The following LUC7L3 variants were observed in gnomAD, a reference collection of about 807,000 sequenced individuals.
LUC7L3 encodes the protein LUC7 like 3 pre-mRNA splicing factor.
A neutral mutation model predicts 66.8 loss-of-function variants in LUC7L3; 6 were observed. The ratio of observed to expected loss-of-function variants is 0.09; its 90% CI spans 0.05 to 0.18. The LOEUF is 0.18. Among genes scored for constraint, LUC7L3 ranks in the 10% least tolerant of loss-of-function variants. The pLI is 1.00. For synonymous variants in LUC7L3, 160 were observed against 174.7 expected, an observed-to-expected ratio of 0.92 and a Z score of 0.66; for missense variants, 341 against 531.1, an observed-to-expected ratio of 0.64 and a Z score of 3.52.
intron 1 of LUC7L3, among the ~76,000 whole-genome samples, chr17:50,735,370 GAAA>G (rs985008378): frequency 1.3e-5 from 2 of 151,534 alleles, no homozygotes; most frequent in Non-Finnish European, 2.9e-5. Context: ...AGCCGTTGAG[GAAA>G]AAAAAGGCCT....
chr17:50,748,918 A>T (rs945727111), intron 9 of LUC7L3, among the ~76,000 whole-genome samples: 1 of 152,148 alleles, frequency 6.6e-6, no homozygotes, highest in East Asian at 1.9e-4. Context: ...AGAAACTACC[A>T]TGTAGCCATC....
At chr17:50,728,934 G>A (rs1315509602) in intron 1 of LUC7L3, among the ~76,000 whole-genome samples, 1 of 152,048 alleles carries the variant, frequency 6.6e-6, no homozygotes, top group East Asian at 1.9e-4. Context: ...TGGCATTTGA[G>A]GTATTCCAGT....
chr17:50,729,896 T>TTATATA (rs1156777167), intron 1 of LUC7L3, among the ~76,000 whole-genome samples: 41 of 65,530 alleles, frequency 6.3e-4, no homozygotes, highest in South Asian at 1.6e-3. Context: ...TATAAATACA[T>TTATATA]TATATATATA....
At chr17:50,738,369 G>A (rs978373233) in intron 2 of LUC7L3, among the ~76,000 whole-genome samples, 2 of 152,170 alleles carry the variant, frequency 1.3e-5, no homozygotes, top group African/African-American at 2.4e-5. Context: ...CCAGCCAGAC[G>A]TTCGAAGAAA....
chr17:50,744,595 C>T, intron 6 of LUC7L3, 57 bp from the exon 7 acceptor site: 1 of 1,501,684 alleles, frequency 6.7e-7, no homozygotes, highest in Non-Finnish European at 9.1e-7. Flanking sequence ...TGAGTACTTT[C>T]CTGGGATTTG....
intron 2 of LUC7L3, chr17:50,738,157 TCTC>T (rs1371943271): frequency 8.8e-6 from 4 of 456,070 alleles, no homozygotes; most frequent in African/African-American, 2.0e-5. Context: ...AGAGGATTCT[TCTC>T]TAGAGAAAGT....
intron 2 of LUC7L3, 69 bp from the exon 3 acceptor site, chr17:50,740,237 C>G: frequency 8.8e-7 from 1 of 1,135,096 alleles, no homozygotes; most frequent in Non-Finnish European, 1.3e-6. Flanking sequence ...AAAAATAACT[C>G]TTTTTTTTTG....
chr17:50,729,938 A>ATGTATG (rs1555607340), intron 1 of LUC7L3, among the ~76,000 whole-genome samples: 1 of 29,008 alleles, frequency 3.4e-5, no homozygotes, highest in African/African-American at 1.4e-4. Context: ...ATATATATAT[A>ATGTATG]TATATATGTA....
chr17:50,745,349 G>A, intron 7 of LUC7L3, among the ~76,000 whole-genome samples: 1 of 152,100 alleles, frequency 6.6e-6, no homozygotes, highest in South Asian at 2.1e-4. Flanking sequence ...ACAGCTTTTA[G>A]CTATCAGTAG....
At chr17:50,750,414 T>C in intron 9 of LUC7L3, 87 bp from the exon 10 acceptor site, 2 of 1,243,100 alleles carry the variant, frequency 1.6e-6, no homozygotes, top group Admixed American at 2.2e-5. Flanking sequence ...TTGTCTCTCA[T>C]CTCTCAGTTG....
chr17:50,725,946 C>G (rs1969152113), intron 1 of LUC7L3, among the ~76,000 whole-genome samples: 1 of 152,176 alleles, frequency 6.6e-6, no homozygotes, highest in South Asian at 2.1e-4. Context: ...AACTATAGTA[C>G]ATACTGTAAT....
Position 50,745,827 on chromosome 17 carries a change from AAG to A in LUC7L3, c.805_806del (p.Glu269LysfsTer17). On this transcript the variant is annotated frameshift_variant, in exon 8 of 10. Transcript: ENST00000505658. LOFTEE classifies it high-confidence loss of function. ...EKEREREREE[R>X]ERKRRREEEE... ...AAGAACGGGAGAGAGAAAGGGAAGA[AAG>A]AGAAAGGAAAAGACGAAGGGAAGAG... 6.3e-7 allele frequency: 1 copy of A among 1,587,876 alleles called. No individual in the cohort carries two copies. The highest frequency in any genetic ancestry group is 8.6e-7 in the Non-Finnish European group (1 of 1,161,090).
intron 1 of LUC7L3, among the ~76,000 whole-genome samples, chr17:50,726,363 G>T (rs755649962): frequency 1.3e-5 from 2 of 152,048 alleles, no homozygotes; most frequent in Non-Finnish European, 2.9e-5. Flanking sequence ...GTAGAGATGG[G>T]GTTTTGTCAT....
intron 6 of LUC7L3, 150 bp downstream of exon 6, chr17:50,743,960 G>T: frequency 3.2e-6 from 2 of 616,576 alleles, no homozygotes; most frequent in African/African-American, 1.9e-5. Flanking sequence ...ACTAAGCTCT[G>T]CCTTTGTGCA....
intron 9 of LUC7L3, chr17:50,749,288 A>G: frequency 7.8e-7 from 1 of 1,289,412 alleles, no homozygotes; most frequent in Non-Finnish European, 1.0e-6. Context: ...TTCCTCATTG[A>G]AGCTACCTGT....
At chr17:50,737,790 G>GA (rs1970070865) in intron 2 of LUC7L3, among the ~76,000 whole-genome samples, 1 of 152,186 alleles carries the variant, frequency 6.6e-6, no homozygotes, top group Admixed American at 6.5e-5. Context: ...GACCCCAGGA[G>GA]AAGAGAGGGT....
Position 50,752,299 on chromosome 17 carries a change from A to G in LUC7L3, c.*1638A>G, listed in dbSNP as rs1971012135. On this transcript the variant is annotated 3_prime_UTR_variant, in exon 10 of 10. Coordinates refer to ENST00000505658, the MANE Select transcript of LUC7L3 (RefSeq NM_016424.5). Reference sequence around the variant, plus strand: ...GAAAGAAAGCTATAGTGGCATAGAAAAAGTATAAAGCTCAGTTAGTTTTTT... The same window carrying G: ...GAAAGAAAGCTATAGTGGCATAGAAGAAGTATAAAGCTCAGTTAGTTTTTT... The G allele has an allele frequency of 9.5e-7, 1 of 1,047,810 alleles. No individual in the cohort carries two copies. The highest frequency in any genetic ancestry group is 1.3e-6 in the Non-Finnish European group (1 of 790,644). The allele number at this position is 1,047,810 out of a possible 1,614,324, so 64.9% of individuals were successfully genotyped here. A position where few individuals can be genotyped will look rare whatever the true frequency, so the allele number is the denominator to read the frequency against.
intron 7 of LUC7L3, among the ~76,000 whole-genome samples, chr17:50,745,319 A>T (rs958448987): frequency 6.6e-6 from 1 of 152,176 alleles, no homozygotes; most frequent in African/African-American, 2.4e-5. Context: ...CTATTAAAAA[A>T]ATCTATTTTA....
chr17:50,734,843 T>C (rs893316697), intron 1 of LUC7L3, among the ~76,000 whole-genome samples: 53 of 152,276 alleles, frequency 3.5e-4, no homozygotes, highest in African/African-American at 1.2e-3. Context: ...AAAATGAGTC[T>C]TTAGAAAGAA....
Sources: gnomAD v4.1 joint callset for allele counts (sites outside exome capture counted in the v4.1 genomes callset) on GRCh38, gnomAD v4.1.1 for gene constraint, MANE v1.5 for transcripts, NCBI Gene and HGNC (gene_info 2026-07-23, HGNC 2026-07-21) for gene names.